BTD: variants seen among roughly 807,000 people sequenced by gnomAD.
The protein encoded by BTD is biocytinase.
Under a neutral mutation model 17.7 loss-of-function variants are expected in BTD, and 13 were observed. The observed-to-expected ratio is 0.74, with a 90% CI of 0.48 to 1.17. The LOEUF is 1.17. BTD is among the 50% of genes most tolerant of loss of function. BTD has a pLI of 0.00. For missense variants in BTD, 674 were observed against 650.4 expected (o/e 1.04, Z -0.39); for synonymous variants, 240 against 245.2 (o/e 0.98, Z 0.20).
intron 1 of BTD, 143 bp downstream of exon 1, chr3:15,602,037 G>T (rs986256301): frequency 2.0e-6 from 3 of 1,485,566 alleles, no homozygotes; most frequent in African/African-American, 2.8e-5. Flanking sequence ...TCGTTTGCTG[G>T]GGCTGTTTGT....
At chr3:15,613,967 G>A (rs560168830) in intron 1 of BTD, among the ~76,000 whole-genome samples, 7 of 151,694 alleles carry the variant, frequency 4.6e-5, no homozygotes, top group Admixed American at 2.0e-4. Flanking sequence ...CAAATATTTC[G>A]TGTTCTGGTT....
At chr3:15,676,974 G>A (rs767999328) in intron 3 of BTD, 6 of 1,610,852 alleles carry the variant, frequency 3.7e-6, no homozygotes, top group African/African-American at 1.3e-5. Flanking sequence ...CAGTACTCAC[G>A]TTTGCAAGGC....
intron 3 of BTD, chr3:15,677,498 G>A: frequency 6.2e-7 from 1 of 1,612,314 alleles, no homozygotes. Context: ...AAGCCAAATG[G>A]AGGGCAGTAT....
intron 3 of BTD, among the ~76,000 whole-genome samples, chr3:15,663,103 T>G (rs570288503): frequency 6.6e-6 from 1 of 152,222 alleles, no homozygotes; most frequent in South Asian, 2.1e-4. Flanking sequence ...TTTCAAGTGA[T>G]TCTCATGCCT....
intron 1 of BTD, among the ~76,000 whole-genome samples, chr3:15,626,360 C>T (rs1358688833): frequency 6.6e-6 from 1 of 152,184 alleles, no homozygotes; most frequent in Non-Finnish European, 1.5e-5. Flanking sequence ...CTCTGCTTTG[C>T]CTCTAATGCT....
At chr3:15,641,856 G>T in intron 2 of BTD, 52 bp from the exon 3 acceptor site, 2 of 1,319,886 alleles carry the variant, frequency 1.5e-6, no homozygotes, top group Admixed American at 1.8e-5. Flanking sequence ...TGAATGCAGC[G>T]GTTCTTCCTG....
intron 1 of BTD, among the ~76,000 whole-genome samples, chr3:15,608,957 G>T (rs745892500): frequency 6.6e-6 from 1 of 151,944 alleles, no homozygotes; most frequent in African/African-American, 2.4e-5. Flanking sequence ...TTTTTAATTT[G>T]TACTTTATTG....
At chr3:15,696,079 C>A in intron 3 of BTD, 1 of 1,189,242 alleles carries the variant, frequency 8.4e-7, no homozygotes, top group South Asian at 1.4e-5. Flanking sequence ...ATTTTTGTTA[C>A]ATTATTAGAC....
intron 3 of BTD, among the ~76,000 whole-genome samples, chr3:15,679,900 A>ATTATT (rs202108158): frequency 0.041 from 6,267 of 152,234 alleles, 424 homozygotes; most frequent in African/African-American, 0.14. Flanking sequence ...TAAATACAGC[A>ATTATT]TACCAATTAT....
chr3:15,631,174 G>GTA (rs1470596318), intron 1 of BTD, among the ~76,000 whole-genome samples: 2 of 152,198 alleles, frequency 1.3e-5, no homozygotes, highest in Non-Finnish European at 2.9e-5. Flanking sequence ...ACATAGAAAT[G>GTA]TATACTATGC....
chr3:15,702,935 T>A (rs1014172554), intron 3 of BTD, among the ~76,000 whole-genome samples: 4 of 152,192 alleles, frequency 2.6e-5, no homozygotes, highest in East Asian at 1.9e-4. Context: ...TAAACCATTT[T>A]AAACTCTACA....
intron 3 of BTD, chr3:15,679,388 T>C (rs766696891): frequency 6.2e-6 from 10 of 1,613,918 alleles, no homozygotes; most frequent in Non-Finnish European, 5.1e-6. Context: ...ATTTATCCTG[T>C]GTAAGGTAAC....
intron 3 of BTD, chr3:15,708,145 T>C: frequency 6.9e-7 from 1 of 1,444,240 alleles, no homozygotes; most frequent in East Asian, 2.5e-5. Flanking sequence ...CTCTTACTCC[T>C]CCCAGTTACA....
intron 1 of BTD, among the ~76,000 whole-genome samples, chr3:15,622,865 A>T (rs1177297894): frequency 6.6e-6 from 1 of 152,194 alleles, no homozygotes; most frequent in Non-Finnish European, 1.5e-5. Context: ...TTATGTAGCT[A>T]TTCTTGCTTT....
chr3:15,706,417 ACTC>A (rs140347827), intron 3 of BTD, among the ~76,000 whole-genome samples: 77,277 of 151,046 alleles, frequency 0.51, 21,050 homozygotes, highest in Middle Eastern at 0.61. Flanking sequence ...AAGGACATAA[ACTC>A]CTCCTTTTTT....
intron 1 of BTD, among the ~76,000 whole-genome samples, chr3:15,633,725 C>T (rs1225086190): frequency 6.6e-6 from 1 of 152,190 alleles, no homozygotes; most frequent in African/African-American, 2.4e-5. Flanking sequence ...TTGCGTTATA[C>T]TTCAGAAATA....
intron 3 of BTD, chr3:15,677,111 A>G: frequency 6.5e-6 from 9 of 1,385,558 alleles, no homozygotes; most frequent in Non-Finnish European, 9.2e-6. Context: ...AGATACATTT[A>G]TACACCCAAC....
chr3:15,632,426 C>T (rs919965917), intron 1 of BTD, among the ~76,000 whole-genome samples: 2 of 152,300 alleles, frequency 1.3e-5, no homozygotes, highest in African/African-American at 2.4e-5. Flanking sequence ...GTACACCCCA[C>T]GAGCCAAGGC....
exon 4 of BTD, among the ~76,000 whole-genome samples, chr3:15,712,463 G>A (rs907579666): frequency 1.3e-5 from 2 of 152,164 alleles, no homozygotes; most frequent in African/African-American, 2.4e-5. Flanking sequence ...CTGGGGAAAC[G>A]TGAGAAGCCA....
Sources: gnomAD v4.1 joint callset for allele counts (sites outside exome capture counted in the v4.1 genomes callset) on GRCh38, gnomAD v4.1.1 for gene constraint, MANE v1.5 for transcripts, NCBI Gene and HGNC (gene_info 2026-07-23, HGNC 2026-07-21) for gene names.